NBEA: variants seen among roughly 807,000 people sequenced by gnomAD.
NBEA encodes lysosomal-trafficking regulator 2.
NBEA carries 44 observed loss-of-function variants against 343.4 expected under a neutral mutation model. The ratio of observed to expected loss-of-function variants is 0.13; its 90% CI spans 0.10 to 0.16. The LOEUF (loss-of-function observed/expected upper bound fraction) is 0.16, where lower values mean the gene tolerates loss of function less well. Among genes scored for constraint, NBEA ranks in the 10% least tolerant of loss-of-function variants. NBEA has a pLI of 1.00. For synonymous variants in NBEA, 1,175 were observed against 1,238.7 expected (o/e 0.95, Z 1.08); for missense variants, 2,555 against 3,631.3 (o/e 0.70, Z 7.62).
intron 17 of NBEA, among the ~76,000 whole-genome samples, chr13:35,126,684 C>G (rs144710778): frequency 1.3e-5 from 2 of 152,036 alleles, no homozygotes; most frequent in East Asian, 3.9e-4. Flanking sequence ...TTTGGGAGGC[C>G]GAGGTGGGCA....
In NBEA at chr13:35,015,127, G is replaced by GAAAAAAAAAAAA. The variant is rs771271035; in HGVS notation, c.295-25805_295-25794dup. On this transcript the variant is annotated intron_variant, in intron 1 of 58. Coordinates refer to ENST00000379939, the MANE Select transcript of NBEA (RefSeq NM_001385012.1). ...TTCTCAACAAAAAGCAACGAGATCT[G>GAAAAAAAAAAAA]AAAAAAAAAAAACAAACAAAAAAAA... Among the ~76,000 whole-genome samples, 5 of 18,326 alleles carry GAAAAAAAAAAAA rather than the reference G, an allele frequency of 2.7e-4. 1 individual carries two copies. Among genetic ancestry groups the GAAAAAAAAAAAA allele is most frequent in the Admixed American group, 1.0e-3 (1 of 954 alleles). 12.0% of individuals were successfully genotyped at this position (18,326 alleles called of 152,430 possible). A position where few individuals can be genotyped will look rare whatever the true frequency, so the allele number is the denominator to read the frequency against.
chr13:35,586,777 A>C (rs1204217135), intron 46 of NBEA, among the ~76,000 whole-genome samples: 1 of 152,148 alleles, frequency 6.6e-6, no homozygotes, highest in Non-Finnish European at 1.5e-5. Context: ...CTGGGTGATA[A>C]TAATAATTCC....
At chr13:35,064,053 A>G (rs891461670) in intron 8 of NBEA, among the ~76,000 whole-genome samples, 1 of 152,022 alleles carries the variant, frequency 6.6e-6, no homozygotes, top group Non-Finnish European at 1.5e-5. Context: ...TAGGTTATGG[A>G]CATAGTTGTT....
At chr13:35,666,125 G>T (rs1276361957) in intron 56 of NBEA, among the ~76,000 whole-genome samples, 2 of 149,970 alleles carry the variant, frequency 1.3e-5, no homozygotes, top group African/African-American at 4.9e-5. Context: ...GAAGGCTGAA[G>T]GGATGGGAGG....
intron 1 of NBEA, among the ~76,000 whole-genome samples, chr13:35,002,831 C>T (rs1265313471): frequency 6.6e-6 from 1 of 152,124 alleles, no homozygotes; most frequent in Non-Finnish European, 1.5e-5. Flanking sequence ...GAAGCACTTT[C>T]CCCACAAAAA....
At chr13:35,572,035 C>T (rs1244427772) in intron 45 of NBEA, among the ~76,000 whole-genome samples, 4 of 152,056 alleles carry the variant, frequency 2.6e-5, no homozygotes, top group Non-Finnish European at 5.9e-5. Flanking sequence ...ATTATGTGTA[C>T]AGGTTAGGGG....
chr13:35,494,936 T>C (rs181872100), intron 41 of NBEA, among the ~76,000 whole-genome samples: 11 of 151,574 alleles, frequency 7.3e-5, no homozygotes, highest in Admixed American at 2.0e-4. Flanking sequence ...CCTGAGCCCA[T>C]AGAGATTGAA....
chr13:35,425,200 G>A (rs922698546), intron 38 of NBEA, among the ~76,000 whole-genome samples: 1 of 152,064 alleles, frequency 6.6e-6, no homozygotes, highest in Non-Finnish European at 1.5e-5. Context: ...TTTTGAATGT[G>A]TTTGCTCTTG....
chr13:35,421,414 G>C (rs2044263104), intron 38 of NBEA, among the ~76,000 whole-genome samples: 1 of 151,932 alleles, frequency 6.6e-6, no homozygotes, highest in South Asian at 2.1e-4. Context: ...CTAACATTCT[G>C]TCAGTCCATG....
chr13:35,364,875 A>G (rs2041011669), intron 38 of NBEA, among the ~76,000 whole-genome samples: 1 of 151,824 alleles, frequency 6.6e-6, no homozygotes, highest in African/African-American at 2.4e-5. Flanking sequence ...TCCTTAAAAC[A>G]AAATATAATG....
At chr13:35,192,405 G>A (rs1042747813) in intron 30 of NBEA, among the ~76,000 whole-genome samples, 2 of 151,672 alleles carry the variant, frequency 1.3e-5, no homozygotes, top group African/African-American at 4.8e-5. Flanking sequence ...TATCCTATTG[G>A]CATTTAGTTT....
At chr13:35,500,253 T>C (rs947970232) in intron 41 of NBEA, among the ~76,000 whole-genome samples, 7 of 152,116 alleles carry the variant, frequency 4.6e-5, no homozygotes, top group Non-Finnish European at 8.8e-5. Flanking sequence ...CGGAGCCTGC[T>C]TCAATCCAAT....
intron 47 of NBEA, among the ~76,000 whole-genome samples, chr13:35,598,251 A>C (rs887238502): frequency 6.6e-6 from 1 of 152,204 alleles, no homozygotes; most frequent in Non-Finnish European, 1.5e-5. Context: ...TGGAAGGTAC[A>C]TAGCAGTCAA....
At chr13:35,546,291 C>A (rs1853982790) in intron 41 of NBEA, among the ~76,000 whole-genome samples, 1 of 152,036 alleles carries the variant, frequency 6.6e-6, no homozygotes, top group South Asian at 2.1e-4. Context: ...GTGGCAAAAC[C>A]CTGTCTCTAC....
At chr13:35,575,202 A>G (rs2080676653) in intron 45 of NBEA, among the ~76,000 whole-genome samples, 1 of 152,180 alleles carries the variant, frequency 6.6e-6, no homozygotes, top group Non-Finnish European at 1.5e-5. Flanking sequence ...TCATGACTTC[A>G]GGTTCTGTTC....
At chr13:35,584,095 A>C (rs1290118353) in intron 46 of NBEA, 57 bp downstream of exon 46, 4 of 1,424,832 alleles carry the variant, frequency 2.8e-6, no homozygotes, top group Non-Finnish European at 3.9e-6. Context: ...TAACATAAGT[A>C]AATTAAATAA....
At chr13:35,004,337 C>G (rs567949563) in intron 1 of NBEA, among the ~76,000 whole-genome samples, 3 of 152,048 alleles carry the variant, frequency 2.0e-5, no homozygotes, top group African/African-American at 7.2e-5. Flanking sequence ...GGCTCTAGGT[C>G]TTTGAGGAAT....
intron 43 of NBEA, among the ~76,000 whole-genome samples, chr13:35,553,330 A>G (rs1241909692): frequency 6.6e-6 from 1 of 152,100 alleles, no homozygotes; most frequent in Non-Finnish European, 1.5e-5. Flanking sequence ...AGCTCAACTA[A>G]TTATTAGTTT....
chr13:35,025,879 A>G (rs913352196), intron 1 of NBEA, among the ~76,000 whole-genome samples: 16 of 152,086 alleles, frequency 1.1e-4, no homozygotes, highest in African/African-American at 3.6e-4. Context: ...TGTTTTACAT[A>G]CTACTGACAT....
Sources: allele counts gnomAD v4.1 joint callset (sites outside exome capture counted in the v4.1 genomes callset), GRCh38; gene constraint gnomAD v4.1.1; transcripts MANE v1.5; gene names NCBI Gene and HGNC (gene_info 2026-07-23, HGNC 2026-07-21).